TBC1D5: variants seen among roughly 807,000 people sequenced by gnomAD.
The protein encoded by TBC1D5 is TBC1 domain family member 5.
TBC1D5 carries 75 observed loss-of-function variants against 100.3 expected under a neutral mutation model. The observed-to-expected ratio is 0.75, with a 90% CI of 0.62 to 0.91. The LOEUF (loss-of-function observed/expected upper bound fraction) is 0.91. Among genes scored for constraint, TBC1D5 ranks in the 40% least tolerant of loss-of-function variants. The pLI is 0.00. For missense variants in TBC1D5, 910 were observed against 942.4 expected, an observed-to-expected ratio of 0.97 and a Z score of 0.45; for synonymous variants, 323 against 325.6, an observed-to-expected ratio of 0.99 and a Z score of 0.09.
chr3:17,500,554 T>C (rs764775693), intron 3 of TBC1D5, among the ~76,000 whole-genome samples: 18 of 149,500 alleles, frequency 1.2e-4, no homozygotes, highest in Non-Finnish European at 1.9e-4. Flanking sequence ...TAACCCCTAA[T>C]AGATAATCAA....
At position 17,740,808 on chromosome 3, in the gene TBC1D5, A is replaced by G. The variant is rs575984216; in HGVS notation, c.-1566T>C. On this transcript the variant is annotated 5_prime_UTR_variant, in exon 1 of 22. Transcript: ENST00000253692. ...TCAGAGACCAGGATTTTTTTCGCCT[A>G]TATGTTGATAAAACCCAATGACGCA... is the stretch of plus-strand genomic sequence containing the variant. The G allele has an allele frequency of 8.5e-5, 13 of 152,254 alleles. No individual in the cohort carries two copies. The South Asian group carries it at 1.0e-3, about 12-fold the overall frequency. The allele number at this position is 152,254 out of a possible 1,614,324, so 9.4% of individuals were successfully genotyped here. A position where few individuals can be genotyped will look rare whatever the true frequency, so the allele number is the denominator to read the frequency against.
At chr3:17,485,406 C>T (rs1262729359) in intron 3 of TBC1D5, among the ~76,000 whole-genome samples, 7 of 151,296 alleles carry the variant, frequency 4.6e-5, no homozygotes, top group Non-Finnish European at 8.8e-5. Context: ...CATATGTATA[C>T]ATGTGCCATG....
At chr3:17,233,021 C>T (rs1051293602) in intron 17 of TBC1D5, among the ~76,000 whole-genome samples, 5 of 152,014 alleles carry the variant, frequency 3.3e-5, no homozygotes, top group Admixed American at 6.6e-5. Flanking sequence ...TTAATGCAGC[C>T]ACTTTAAGTA....
intron 13 of TBC1D5, among the ~76,000 whole-genome samples, chr3:17,336,847 A>G (rs1190767580): frequency 6.6e-6 from 1 of 152,172 alleles, no homozygotes; most frequent in Non-Finnish European, 1.5e-5. Context: ...CAAGAAAGAA[A>G]TTTGGTATGT....
Position 17,162,580 on chromosome 3 carries a change from TA to T in TBC1D5, c.2095-1325del, listed in dbSNP as rs140532127. On this transcript the variant is annotated intron_variant, in intron 21 of 21. Coordinates refer to ENST00000253692, the Ensembl canonical transcript of TBC1D5. ...CCTTGAGGTTCTTCATCTCAGGTTC[TA>T]AAGCTGTTGTTAACATTCTATTAAC... Among the ~76,000 whole-genome samples the T allele has an allele frequency of 9.8e-3, 1,486 of 152,340 alleles. 22 individuals are homozygous for T. Among genetic ancestry groups the T allele is most frequent in the African/African-American group, 0.033 (1,390 of 41,568 alleles).
rs1472542851 is a variant in TBC1D5 at position 17,244,636 on chromosome 3, A to C, written c.1332-6217T>G. On this transcript the variant is annotated intron_variant, in intron 16 of 21. Transcript: ENST00000253692. The stretch of plus-strand genomic sequence containing the variant: ...TGCAGTGGGATACTTGGAAAAAATA[A>C]ATTGATGCCACTAAACATATATCTA... 3.3e-5 allele frequency among the ~76,000 whole-genome samples: 5 copies of C among 152,286 alleles called. No homozygotes were observed. In the East Asian group the frequency reaches 9.6e-4, roughly 29 times the overall value.
chr3:17,436,271 C>T (rs2094533772), intron 3 of TBC1D5, among the ~76,000 whole-genome samples: 1 of 151,988 alleles, frequency 6.6e-6, no homozygotes, highest in Admixed American at 6.6e-5. Context: ...GGTTCTACTG[C>T]AAAACGTGGT....
chr3:17,343,229 T>C (rs1490972574), intron 13 of TBC1D5, among the ~76,000 whole-genome samples: 2 of 152,168 alleles, frequency 1.3e-5, no homozygotes, highest in East Asian at 1.9e-4. Flanking sequence ...GATAATCATG[T>C]GGTTTTTGTC....
chr3:17,336,963 C>A (rs886691505), intron 13 of TBC1D5, among the ~76,000 whole-genome samples: 1 of 151,906 alleles, frequency 6.6e-6, no homozygotes, highest in Admixed American at 6.6e-5. Context: ...AGGGTGATTG[C>A]CTACTAAGAA....
At chr3:17,355,033 A>C (rs1337738658) in intron 13 of TBC1D5, among the ~76,000 whole-genome samples, 1 of 152,100 alleles carries the variant, frequency 6.6e-6, no homozygotes, top group Non-Finnish European at 1.5e-5. Flanking sequence ...TGAAAATCCA[A>C]ATCTGGCCAA....
intron 1 of TBC1D5, among the ~76,000 whole-genome samples, chr3:17,722,182 A>T (rs892444199): frequency 2.0e-5 from 3 of 152,040 alleles, no homozygotes; most frequent in Admixed American, 2.0e-4. Context: ...AGTATCATCA[A>T]TTCTTTTATA....
intron 3 of TBC1D5, among the ~76,000 whole-genome samples, chr3:17,486,827 C>T (rs1430622460): frequency 6.6e-6 from 1 of 152,154 alleles, no homozygotes; most frequent in Non-Finnish European, 1.5e-5. Flanking sequence ...AATGAAAGAA[C>T]TGTGGGTTGA....
chr3:17,214,149 T>C (rs1334557306), intron 18 of TBC1D5, 58 bp downstream of exon 19: 3 of 1,542,304 alleles, frequency 1.9e-6, no homozygotes, highest in Non-Finnish European at 1.7e-6. Context: ...CTTTCATAAA[T>C]GCAGCACTCT....
rs571572576 is a variant in TBC1D5, at chr3:17,253,984, T to C, written c.1331+4522A>G. Among the ~76,000 whole-genome samples the C allele has an allele frequency of 2.6e-5, 4 of 152,330 alleles. No homozygotes were observed. In the South Asian group the frequency reaches 8.3e-4, roughly 32 times the overall value. On this transcript the variant is annotated intron_variant, in intron 16 of 21. Transcript: ENST00000253692. ...GCCGACTATGGGACTTAAGTACACG[T>C]GGATTTGGCTATATGCAGGTGGTCC... is the stretch of plus-strand genomic sequence containing the variant.
At chr3:17,399,891 T>TG (rs1184260137) in intron 8 of TBC1D5, among the ~76,000 whole-genome samples, 1 of 152,116 alleles carries the variant, frequency 6.6e-6, no homozygotes, top group African/African-American at 2.4e-5. Flanking sequence ...TTCAGATGTC[T>TG]GGCCTTTAAA....
intron 2 of TBC1D5, among the ~76,000 whole-genome samples, chr3:17,553,594 C>T (rs552295015): frequency 6.6e-6 from 1 of 152,128 alleles, no homozygotes; most frequent in South Asian, 2.1e-4. Context: ...GACACAAAGT[C>T]GTTTTTGCAA....
At chr3:17,455,163 T>G (rs898911959) in intron 3 of TBC1D5, among the ~76,000 whole-genome samples, 3 of 139,920 alleles carry the variant, frequency 2.1e-5, no homozygotes, top group Non-Finnish European at 3.0e-5. Flanking sequence ...AAAAAAAAAG[T>G]ATACACACAC....
chr3:17,553,832 T>A (rs1253711079), intron 2 of TBC1D5, among the ~76,000 whole-genome samples: 5 of 152,182 alleles, frequency 3.3e-5, no homozygotes, highest in Non-Finnish European at 7.3e-5. Flanking sequence ...GATAAGAGAC[T>A]TAGGACCTAT....
At chr3:17,694,134 G>A (rs1454182799) in intron 1 of TBC1D5, among the ~76,000 whole-genome samples, 3 of 152,170 alleles carry the variant, frequency 2.0e-5, no homozygotes, top group Non-Finnish European at 4.4e-5. Context: ...CACAAAGATG[G>A]GGAGAAACCA....
Sources: gnomAD v4.1 joint callset for allele counts (sites outside exome capture counted in the v4.1 genomes callset) on GRCh38, gnomAD v4.1.1 for gene constraint, MANE v1.5 for transcripts, NCBI Gene and HGNC (gene_info 2026-07-23, HGNC 2026-07-21) for gene names.